Variants in ZNF831 observed in about 807,000 individuals in gnomAD.
The protein encoded by ZNF831 is zinc finger protein 831.
In ZNF831, 59 loss-of-function variants were observed where a neutral mutation model predicts 95.8. The observed-to-expected ratio is 0.62, with a 90% CI of 0.50 to 0.77. ZNF831 has a LOEUF of 0.77. ZNF831 is among the 30% of genes least tolerant of loss of function. The pLI, the probability that ZNF831 is intolerant of heterozygous loss-of-function variation, is 0.00. For missense variants in ZNF831, 2,205 were observed against 2,164.0 expected (o/e 1.02, Z -0.38); for synonymous variants, 961 against 925.5 (o/e 1.04, Z -0.70).
chr20:59,223,491 C>G (rs1986232400), intron 4 of ZNF831, among the ~76,000 whole-genome samples: 1 of 152,210 alleles, frequency 6.6e-6, no homozygotes. Flanking sequence ...GCAGCAGCCT[C>G]CCAGCAGAGG....
In ZNF831 at chr20:59,225,977, G is replaced by A. The variant is rs544128031; in HGVS notation, c.4027+18921G>A. On this transcript the variant is annotated intron_variant, in intron 4 of 5. Coordinates refer to ENST00000371030, the MANE Select transcript of ZNF831 (RefSeq NM_178457.3). ...GTTGATCCCTCTTCAAATCAGAGTAGACGTTCCTTTGGGTTGCCTTCATCC... is the reference window on the plus strand; with the variant it reads ...GTTGATCCCTCTTCAAATCAGAGTAAACGTTCCTTTGGGTTGCCTTCATCC... 7.5e-4 allele frequency among the ~76,000 whole-genome samples: 115 copies of A among 152,340 alleles called. 1 individual carries two copies. Among genetic ancestry groups the A allele is most frequent in the African/African-American group, 2.7e-3 (111 of 41,566 alleles).
chr20:59,197,025 G>A (rs781575766), intron 3 of ZNF831, among the ~76,000 whole-genome samples: 3 of 151,410 alleles, frequency 2.0e-5, no homozygotes, highest in Non-Finnish European at 4.4e-5. Context: ...GGCCTCAAGC[G>A]ATCCTCTCGT....
chr20:59,195,679 G>A, intron 2 of ZNF831, 190 bp from the exon 3 acceptor site: 1 of 786,916 alleles, frequency 1.3e-6, no homozygotes, highest in Non-Finnish European at 1.5e-6. Flanking sequence ...GGGGTTTCAG[G>A]AGGTTCTGTC....
intron 1 of ZNF831, among the ~76,000 whole-genome samples, chr20:59,141,859 A>C (rs1333424710): frequency 1.3e-5 from 2 of 152,266 alleles, no homozygotes; most frequent in Non-Finnish European, 2.9e-5. Context: ...ATAGTTTAAA[A>C]AACTATCTGT....
intron 5 of ZNF831, 42 bp from the exon 6 acceptor site, chr20:59,253,856 A>ACCC (rs758026948): frequency 1.0e-5 from 11 of 1,074,420 alleles, no homozygotes; most frequent in Admixed American, 5.4e-5. Flanking sequence ...GTACCAATTA[A>ACCC]CCTCCCCCCC....
intron 4 of ZNF831, among the ~76,000 whole-genome samples, chr20:59,224,162 G>A (rs902956603): frequency 6.6e-6 from 1 of 152,232 alleles, no homozygotes; most frequent in Non-Finnish European, 1.5e-5. Context: ...GTGATGGTGC[G>A]TGGCGGGTGG....
chr20:59,172,421 T>G (rs951444177), intron 1 of ZNF831, among the ~76,000 whole-genome samples: 1 of 152,184 alleles, frequency 6.6e-6, no homozygotes, highest in African/African-American at 2.4e-5. Context: ...CAGCTCTTCC[T>G]GGCCTGGAAA....
At position 59,191,670 on chromosome 20, in the gene ZNF831, G is replaced by C. The variant is rs762477318; in HGVS notation, c.651G>C (p.Gly217=). 1.3e-6 allele frequency: 2 copies of C among 1,558,742 alleles called. No homozygotes were observed. The highest frequency in any genetic ancestry group is 1.2e-5 in the South Asian group (1 of 81,674). Residue 217 remains glycine (G), a synonymous_variant, in exon 2 of 6, where the codon GGG becomes GGC. Coordinates refer to ENST00000371030, the MANE Select transcript of ZNF831 (RefSeq NM_178457.3). ...CCGGGGGCGGCCTCCTGGAGGAAGG[G>C]GACAAGGCCGGAGAGCCCCCCAGAC... The part of the protein sequence containing the change: ...EGAGGGLLEE[G]DKAGEPPRPE...
Position 59,195,959 on chromosome 20 carries a change from T to G in ZNF831, c.3829T>G (p.Ser1277Ala). The G allele has an allele frequency of 6.2e-7, 1 of 1,614,130 alleles. No homozygotes were observed. Among genetic ancestry groups the G allele is most frequent in the Non-Finnish European group, 8.5e-7 (1 of 1,180,020 alleles). Residue 1277 changes from serine to alanine, a missense_variant, in exon 3 of 6, where the codon TCT (serine) becomes GCT (alanine). Coordinates refer to ENST00000371030, the MANE Select transcript of ZNF831 (RefSeq NM_178457.3). ...KKGLPWRAKM[S>A]RGNSKQRKLK... ...AGGCCTGCCTTGGAGGGCAAAGATG[T>G]CTCGTGGGAACAGCAAGCAGAGAAA...
intron 4 of ZNF831, among the ~76,000 whole-genome samples, chr20:59,214,968 C>T (rs1985583040): frequency 2.0e-5 from 3 of 152,216 alleles, no homozygotes; most frequent in African/African-American, 4.8e-5. Flanking sequence ...AAAATAATCT[C>T]ATAAATAGAT....
chr20:59,129,616 C>T (rs1033133031), intron 1 of ZNF831, among the ~76,000 whole-genome samples: 4 of 152,196 alleles, frequency 2.6e-5, no homozygotes, highest in Non-Finnish European at 2.9e-5. Flanking sequence ...GAGTGAGTCT[C>T]TGGCTCAAAC....
intron 1 of ZNF831, among the ~76,000 whole-genome samples, chr20:59,126,819 A>C (rs1164031976): frequency 1.3e-5 from 2 of 152,144 alleles, no homozygotes; most frequent in African/African-American, 4.8e-5. Flanking sequence ...TGTGAAGCTC[A>C]TGGGTCACTC....
intron 2 of ZNF831, among the ~76,000 whole-genome samples, chr20:59,154,543 TCCTTTTGCATTGC>T (rs1347471136): frequency 6.6e-6 from 1 of 152,176 alleles, no homozygotes; most frequent in South Asian, 2.1e-4. Flanking sequence ...GAGGAGTTCC[TCCTTTTGCATTGC>T]CCTTGCTGCT....
chr20:59,216,946 T>A (rs1255733628), intron 4 of ZNF831, among the ~76,000 whole-genome samples: 1 of 145,912 alleles, frequency 6.9e-6, no homozygotes, highest in Non-Finnish European at 1.5e-5. Flanking sequence ...CTTTTGTTCT[T>A]AAAAAAAAAA....
rs1442293646 is a variant in ZNF831, at chr20:59,253,895, C to T, written c.4189-3C>T. ...TTTTTTTTTCCTTTGCACTTTGTTG[C>T]AGGATATTTCTCCATCTGCTGGTGA... On this transcript the variant is annotated splice_polypyrimidine_tract_variant and splice_region_variant and intron_variant, in intron 5 of 5. Transcript: ENST00000371030. 1 of 788,486 alleles carries T rather than the reference C, an allele frequency of 1.3e-6. No individual in the cohort carries two copies. Among genetic ancestry groups the T allele is most frequent in the Non-Finnish European group, 1.8e-6 (1 of 566,116 alleles). 48.8% of individuals were successfully genotyped at this position (788,486 alleles called of 1,614,324 possible). A position where few individuals can be genotyped will look rare whatever the true frequency, so the allele number is the denominator to read the frequency against.
rs1257530296 is a variant in ZNF831, at chr20:59,194,699, G to A, written c.3680G>A (p.Ser1227Asn). Reference protein sequence around the residue: ...RDEGPNGPPGSNGGWTWTSPG... With the variant: ...RDEGPNGPPGNNGGWTWTSPG... ...GAGGGTCCCAATGGCCCTCCTGGGA[G>A]CAATGGAGGATGGACCTGGACAAGC... Residue 1227 changes from serine to asparagine, a missense_variant, in exon 2 of 6, where the codon AGC (serine) becomes AAC (asparagine). Coordinates refer to ENST00000371030, the MANE Select transcript of ZNF831 (RefSeq NM_178457.3). 4.4e-6 allele frequency: 7 copies of A among 1,607,604 alleles called. No individual in the cohort carries two copies. In the African/African-American group the frequency reaches 9.4e-5, roughly 21 times the overall value.
At position 59,194,286 on chromosome 20, in the gene ZNF831, C is replaced by G; in HGVS notation, c.3267C>G (p.Leu1089=). Residue 1089 remains leucine, a synonymous_variant, in exon 2 of 6, where the codon CTC becomes CTG. Transcript: ENST00000371030. ...CMGSTLARAR[L]SGDVLNPWVP... Reference sequence around the variant, plus strand: ...GCAGCACTTTGGCAAGGGCCAGGCTCTCTGGGGATGTCCTGAATCCCTGGG... The same window carrying G: ...GCAGCACTTTGGCAAGGGCCAGGCTGTCTGGGGATGTCCTGAATCCCTGGG... 6.2e-7 allele frequency: 1 copy of G among 1,614,014 alleles called. No individual in the cohort carries two copies. The highest frequency in any genetic ancestry group is 2.2e-5 in the East Asian group (1 of 44,886).
intron 3 of ZNF831, among the ~76,000 whole-genome samples, chr20:59,206,659 A>T (rs1601397804): frequency 1.3e-5 from 2 of 152,332 alleles, no homozygotes; most frequent in East Asian, 3.8e-4. Context: ...CCTTGCTATG[A>T]CTAAGCATCC....
intron 2 of ZNF831, among the ~76,000 whole-genome samples, chr20:59,147,993 C>T (rs1361666014): frequency 6.6e-6 from 1 of 152,186 alleles, no homozygotes; most frequent in Non-Finnish European, 1.5e-5. Context: ...TGTACATTTG[C>T]ACCAATTATT....
Sources: allele counts gnomAD v4.1 joint callset (sites outside exome capture counted in the v4.1 genomes callset), GRCh38; gene constraint gnomAD v4.1.1; transcripts MANE v1.5; gene names NCBI Gene and HGNC (gene_info 2026-07-23, HGNC 2026-07-21).